The following TRAPPC10 variants were observed in gnomAD, a reference collection of about 807,000 sequenced individuals.
The protein encoded by TRAPPC10 is trafficking protein particle complex subunit 10, also known as TRAPP 130 kDa subunit.
A neutral mutation model predicts 125.5 loss-of-function variants in TRAPPC10; 23 were observed. That is an observed-to-expected ratio of 0.18 (90% CI 0.13 to 0.26). The LOEUF (loss-of-function observed/expected upper bound fraction) is 0.26, where lower values mean the gene tolerates loss of function less well. Among genes scored for constraint, TRAPPC10 ranks in the 10% least tolerant of loss-of-function variants. The pLI, the probability that TRAPPC10 is intolerant of heterozygous loss-of-function variation, is 1.00. For missense variants in TRAPPC10, 1,123 were observed against 1,308.4 expected (o/e 0.86, Z 2.19); for synonymous variants, 509 against 518.0 (o/e 0.98, Z 0.24).
chr21:44,037,968 G>A (rs770080094), intron 3 of TRAPPC10, 41 bp downstream of exon 3: 4 of 1,604,682 alleles, frequency 2.5e-6, no homozygotes. Context: ...GTGGGATGGG[G>A]TTGGAGATGC....
intron 1 of TRAPPC10, among the ~76,000 whole-genome samples, chr21:44,031,177 GC>G (rs912982955): frequency 3.9e-5 from 6 of 152,070 alleles, no homozygotes; most frequent in Non-Finnish European, 8.8e-5. Flanking sequence ...TTATTTTTAG[GC>G]TTTTGATAGC....
intron 1 of TRAPPC10, among the ~76,000 whole-genome samples, chr21:44,030,548 A>G (rs1472350717): frequency 6.6e-6 from 1 of 151,506 alleles, no homozygotes; most frequent in Admixed American, 6.6e-5. Context: ...GCTCACTGCA[A>G]CCTCCGCCTT....
chr21:44,082,980 G>A lies in TRAPPC10; in HGVS notation c.1916G>A (p.Arg639Gln), dbSNP rs149191855. The A allele has an allele frequency of 2.9e-5, 46 of 1,613,842 alleles. No homozygotes were observed. Among genetic ancestry groups the A allele is most frequent in the Non-Finnish European group, 3.6e-5 (42 of 1,180,012 alleles). The change falls in exon 14 of 23, where the codon CGG (arginine) becomes CAG (glutamine). Residue 639 changes from arginine (R) to glutamine (Q), a missense_variant. Physicochemically the swap from Arg to Gln is conservative, Grantham distance 43. Transcript: ENST00000291574. The surrounding 1 kb of genome is among the most constrained non-coding windows in gnomAD (Gnocchi z 4.4). ...TTCAGCATTGAGAAAAACAGCTACC[G>A]GAAGACTGCGGAGTGGCTTACCAAG... Reference protein sequence around the residue: ...VHFSIEKNSYRKTAEWLTKHK... With the variant: ...VHFSIEKNSYQKTAEWLTKHK...
chr21:44,069,353 A>T (rs140040212), intron 7 of TRAPPC10, among the ~76,000 whole-genome samples: 1 of 152,350 alleles, frequency 6.6e-6, no homozygotes, highest in East Asian at 1.9e-4. Flanking sequence ...ACAAACCAGT[A>T]GAAAAACAGG....
chr21:44,041,396 G>A (rs1464688732), intron 3 of TRAPPC10, among the ~76,000 whole-genome samples: 2 of 149,460 alleles, frequency 1.3e-5, no homozygotes, highest in East Asian at 2.0e-4. Context: ...TTTTTTTTGC[G>A]ATGGAGTTTC....
rs2033626687 is a variant in TRAPPC10 at position 44,032,160 on chromosome 21, T to C, written c.137T>C (p.Met46Thr). The change falls in exon 2 of 23, where the codon ATG becomes ACG. Residue 46 changes from methionine (M) to threonine (T), a missense_variant. Around this residue, in one of 4 missense-constraint regions of TRAPPC10, gnomAD observed 177 missense variants for 228.9 expected, o/e 0.77. Transcript: ENST00000291574. The stretch of plus-strand genomic sequence containing the variant: ...TCTCAGCAGCTTCCAAGAGAACCAA[T>C]GGAATGGAGAAGGTATGAGTTGTGT... ...TLSQQLPREPMEWRRSYGRAP... is the reference protein window; with the variant it reads ...TLSQQLPREPTEWRRSYGRAP... 1 of 1,613,770 alleles carries C rather than the reference T, an allele frequency of 6.2e-7. No homozygotes were observed. The highest frequency in any genetic ancestry group is 8.5e-7 in the Non-Finnish European group (1 of 1,179,834).
Position 44,052,306 on chromosome 21 carries a change from A to G in TRAPPC10, c.312A>G (p.Val104=), listed in dbSNP as rs202046095. The G allele has an allele frequency of 6.2e-7, 1 of 1,603,088 alleles. No individual in the cohort carries two copies. Among genetic ancestry groups the G allele is most frequent in the Non-Finnish European group, 8.5e-7 (1 of 1,177,128 alleles). ...CCDTEVYKAT[V]KDDLTKWQNV... ...ATACCGAAGTGTATAAAGCTACAGT[A>G]AAAGATGACCTCACCAAGTGGCAGA... is the stretch of plus-strand genomic sequence containing the variant. The change falls in exon 4 of 23, where the codon GTA becomes GTG. Residue 104 remains valine (V), a synonymous_variant. Transcript: ENST00000291574.
intron 15 of TRAPPC10, 125 bp downstream of exon 15, chr21:44,084,388 T>C (rs2037982405): frequency 2.1e-6 from 2 of 965,604 alleles, no homozygotes; most frequent in South Asian, 4.4e-5. Context: ...TTGGGTAACA[T>C]AATGGAAATT....
chr21:44,090,616 T>C (rs2038507562), intron 18 of TRAPPC10, among the ~76,000 whole-genome samples: 1 of 151,976 alleles, frequency 6.6e-6, no homozygotes, highest in Admixed American at 6.5e-5. Flanking sequence ...CAGGCGGGGC[T>C]GTGTGCTTCC....
At chr21:44,044,823 C>T (rs1450737276) in intron 3 of TRAPPC10, among the ~76,000 whole-genome samples, 1 of 151,918 alleles carries the variant, frequency 6.6e-6, no homozygotes, top group Non-Finnish European at 1.5e-5. Flanking sequence ...GCCACCACGC[C>T]TGGCTAATTT....
At chr21:44,033,107 A>T (rs996524137) in intron 2 of TRAPPC10, among the ~76,000 whole-genome samples, 1 of 152,252 alleles carries the variant, frequency 6.6e-6, no homozygotes, top group African/African-American at 2.4e-5. Context: ...TTACTTGTAA[A>T]TATAAAGTTG....
At chr21:44,052,171 T>G in intron 3 of TRAPPC10, 109 bp from the exon 4 acceptor site, 1 of 975,888 alleles carries the variant, frequency 1.0e-6, no homozygotes, top group Non-Finnish European at 1.5e-6. Flanking sequence ...GAGCCTGTCC[T>G]GATGCTTTAA....
intron 10 of TRAPPC10, among the ~76,000 whole-genome samples, chr21:44,076,979 C>T (rs1356948480): frequency 6.6e-6 from 1 of 152,178 alleles, no homozygotes; most frequent in Non-Finnish European, 1.5e-5. Context: ...TTTTGAAAGA[C>T]TTAAATTAGC....
chr21:44,054,213 C>T (rs1383679762), intron 4 of TRAPPC10, among the ~76,000 whole-genome samples: 1 of 152,192 alleles, frequency 6.6e-6, no homozygotes, highest in Non-Finnish European at 1.5e-5. Context: ...GTGAGCGGCT[C>T]TGGTCCCTTT....
intron 2 of TRAPPC10, 97 bp from the exon 3 acceptor site, chr21:44,037,695 C>T (rs1485384031): frequency 2.9e-6 from 4 of 1,380,232 alleles, no homozygotes; most frequent in Non-Finnish European, 4.0e-6. Context: ...GTGCTCTGAA[C>T]TCATGCATAC....
chr21:44,083,234 G>T lies in TRAPPC10; in HGVS notation c.2170G>T (p.Ala724Ser), dbSNP rs1367606741. 6.2e-7 allele frequency: 1 copy of T among 1,613,968 alleles called. No homozygotes were observed. Among genetic ancestry groups the T allele is most frequent in the Non-Finnish European group, 8.5e-7 (1 of 1,180,006 alleles). ...MPSGVALEEG[A>S]HVLRCSHVTL... ...CTCAGGGGTGGCTCTGGAGGAGGGT[G>T]CCCACGTGCTGAGGTGCAGCCACGT... Residue 724 changes from alanine to serine, a missense_variant, in exon 14 of 23, where the codon GCC (alanine) becomes TCC (serine). Transcript: ENST00000291574.
intron 3 of TRAPPC10, among the ~76,000 whole-genome samples, chr21:44,039,522 G>A (rs1308585609): frequency 6.6e-6 from 1 of 152,232 alleles, no homozygotes; most frequent in Admixed American, 6.5e-5. Flanking sequence ...TGGTGGCGTT[G>A]CTGCCTCTCC....
Position 44,075,053 on chromosome 21 carries a change from C to A in TRAPPC10, c.1200C>A (p.Gly400=). The A allele has an allele frequency of 1.9e-6, 3 of 1,612,786 alleles. No individual in the cohort carries two copies. In the South Asian group the frequency reaches 3.3e-5, roughly 18 times the overall value. The part of the protein sequence containing the change: ...SYATEKLKSL[G]YLCGLVSEKG... ...TATCTTAACAGTTAAAGTCCTTGGGCTATCTATGTGGACTTGTGTCAGAGA... is the reference window on the plus strand; with the variant it reads ...TATCTTAACAGTTAAAGTCCTTGGGATATCTATGTGGACTTGTGTCAGAGA... The change falls in exon 9 of 23, where the codon GGC becomes GGA. Residue 400 remains glycine (G), a synonymous_variant. Coordinates refer to ENST00000291574, the MANE Select transcript of TRAPPC10 (RefSeq NM_003274.5).
At chr21:44,088,676 T>G (rs776269929) in intron 17 of TRAPPC10, 1 of 155,626 alleles carries the variant, frequency 6.4e-6, no homozygotes, top group Non-Finnish European at 1.4e-5. Flanking sequence ...TTCACGAAGG[T>G]GGCGCTTAGC....
Sources: allele counts gnomAD v4.1 joint callset (sites outside exome capture counted in the v4.1 genomes callset), GRCh38; gene constraint gnomAD v4.1.1; regional missense constraint gnomAD v4.1.1; non-coding constraint Gnocchi (gnomAD v3.1); transcripts MANE v1.5; gene names NCBI Gene and HGNC (gene_info 2026-07-23, HGNC 2026-07-21).